Variants in PRPF18 observed in about 807,000 individuals in gnomAD.
PRPF18 encodes pre-mRNA-splicing factor 18.
A neutral mutation model predicts 46.5 loss-of-function variants in PRPF18; 38 were observed. The observed-to-expected ratio is 0.82, with a 90% confidence interval of 0.63 to 1.07. The LOEUF (loss-of-function observed/expected upper bound fraction) is 1.07, where lower values mean the gene tolerates loss of function less well. Ranked by LOEUF, PRPF18 falls within the 50% of genes least tolerant of loss-of-function variation. PRPF18 has a pLI of 0.00. For missense variants in PRPF18, 263 were observed against 410.0 expected (o/e 0.64, Z 3.10); for synonymous variants, 152 against 146.7 (o/e 1.04, Z -0.26).
chr10:13,613,940 G>A, intron 7 of PRPF18, 59 bp downstream of exon 7: 1 of 1,569,306 alleles, frequency 6.4e-7, no homozygotes, highest in Non-Finnish European at 8.6e-7. Context: ...TATAAATTTA[G>A]AATAAATGCA....
Position 13,610,121 on chromosome 10 carries a change from G to C in PRPF18, c.446G>C (p.Gly149Ala), listed in dbSNP as rs1309681134. Residue 149 changes from glycine (G) to alanine (A), a missense_variant, in exon 5 of 10, where the codon GGA becomes GCA. By Grantham distance (60) the Gly-to-Ala change is moderately conservative. Transcript: ENST00000378572. ...GAAATCGTCGGCGGTCAGGAGCCTG[G>C]AGAGGAAGACACACAGAATGATCTG... The part of the protein sequence containing the change: ...LNEIVGGQEP[G>A]EEDTQNDLKV... 1 of 1,614,058 alleles carries C rather than the reference G, an allele frequency of 6.2e-7. No individual in the cohort carries two copies.
the PRPF18 span, chr10:13,648,551 A>G: frequency 3.3e-5 from 5 of 152,264 alleles, no homozygotes; most frequent in East Asian, 9.7e-4. Flanking sequence ...CCCGATCAAA[A>G]TCCCTGGTTC....
intron 6 of PRPF18, 97 bp downstream of exon 6, chr10:13,611,780 G>A: frequency 2.0e-6 from 2 of 995,718 alleles, no homozygotes; most frequent in South Asian, 1.4e-5. Flanking sequence ...GAACGGGAAA[G>A]CCTCAATACA....
At chr10:13,589,933 G>A (rs1371341305) in intron 1 of PRPF18, among the ~76,000 whole-genome samples, 1 of 152,052 alleles carries the variant, frequency 6.6e-6, no homozygotes, top group Non-Finnish European at 1.5e-5. Flanking sequence ...GAGTGGTTGG[G>A]AGTATTTTAA....
the PRPF18 span, chr10:13,649,617 T>A: frequency 6.6e-6 from 1 of 152,230 alleles, no homozygotes; most frequent in African/African-American, 2.4e-5. Flanking sequence ...TCTTTCTTAG[T>A]GCTTCCACAT....
chr10:13,620,784 A>G lies in PRPF18; in HGVS notation c.948+4231A>G, dbSNP rs151298733. Among the ~76,000 whole-genome samples, 916 of 152,326 alleles carry G rather than the reference A, an allele frequency of 6.0e-3. 5 individuals carry two copies. Among genetic ancestry groups the G allele is most frequent in the African/African-American group, 0.02 (823 of 41,560 alleles). Reference sequence around the variant, plus strand: ...AAGGGGCAGTTTCACTGGAACATAGATTTCATCTTTTGGTTTTATGCAAAC... The same window carrying G: ...AAGGGGCAGTTTCACTGGAACATAGGTTTCATCTTTTGGTTTTATGCAAAC... On this transcript the variant is annotated intron_variant, in intron 9 of 9. Transcript: ENST00000378572.
chr10:13,588,171 C>T (rs2079904373), intron 1 of PRPF18, among the ~76,000 whole-genome samples: 3 of 152,160 alleles, frequency 2.0e-5, no homozygotes, highest in Non-Finnish European at 4.4e-5. Context: ...AATCCCCACA[C>T]TTTGGTGGGC....
downstream of PRPF18, chr10:13,631,200 C>T (rs1409738009): frequency 1.3e-5 from 2 of 152,344 alleles, no homozygotes; most frequent in Admixed American, 1.3e-4. Flanking sequence ...CTGTCCTGGC[C>T]TTGGTTTTCC....
At chr10:13,627,086 A>G (rs2080518882) in intron 9 of PRPF18, among the ~76,000 whole-genome samples, 1 of 152,132 alleles carries the variant, frequency 6.6e-6, no homozygotes, top group Non-Finnish European at 1.5e-5. Context: ...TCCAGTTCAC[A>G]TACAGTCAGA....
At chr10:13,625,798 G>T (rs2134009828) in intron 9 of PRPF18, among the ~76,000 whole-genome samples, 1 of 152,354 alleles carries the variant, frequency 6.6e-6, no homozygotes, top group South Asian at 2.1e-4. Context: ...GAAGGTAGAA[G>T]ACAGTAGAGC....
chr10:13,636,165 T>TA, the PRPF18 span, among the ~76,000 whole-genome samples: 1 of 152,230 alleles, frequency 6.6e-6, no homozygotes, highest in Non-Finnish European at 1.5e-5. Flanking sequence ...CTCACGCCTG[T>TA]AATGCCAGCA....
chr10:13,589,505 C>T (rs931394644), intron 1 of PRPF18, among the ~76,000 whole-genome samples: 1 of 152,174 alleles, frequency 6.6e-6, no homozygotes, highest in Non-Finnish European at 1.5e-5. Flanking sequence ...GAAACTGGCT[C>T]CCTCTGGCTG....
the PRPF18 span, among the ~76,000 whole-genome samples, chr10:13,649,953 C>T: frequency 2.6e-5 from 4 of 152,232 alleles, no homozygotes; most frequent in African/African-American, 9.6e-5. Flanking sequence ...CAACTGTGAC[C>T]CAGAAGAGCA....
intron 4 of PRPF18, 78 bp from the exon 5 acceptor site, chr10:13,609,961 T>C (rs1412596409): frequency 7.1e-7 from 1 of 1,411,494 alleles, no homozygotes; most frequent in African/African-American, 1.4e-5. Flanking sequence ...TTTGCAGTTA[T>C]TAATGAAAAA....
chr10:13,650,425 T>G, the PRPF18 span, among the ~76,000 whole-genome samples: 1 of 150,214 alleles, frequency 6.7e-6, no homozygotes, highest in Admixed American at 6.6e-5. Context: ...TGAACTCGTG[T>G]ATGTATTCGT....
At chr10:13,608,236 A>C (rs943088) in intron 4 of PRPF18, among the ~76,000 whole-genome samples, 123,412 of 152,208 alleles carry the variant, frequency 0.81, 50,155 homozygotes, top group East Asian at 0.91. Flanking sequence ...TGGGGTCTTT[A>C]TTGTGATTGC....
At chr10:13,591,548 G>C in intron 1 of PRPF18, 1 of 719,914 alleles carries the variant, frequency 1.4e-6, no homozygotes, top group African/African-American at 1.8e-5. Flanking sequence ...TTTGATTTTT[G>C]GTAAAATTTG....
At chr10:13,611,771 A>G in intron 6 of PRPF18, 88 bp downstream of exon 6, 1 of 1,162,108 alleles carries the variant, frequency 8.6e-7, no homozygotes, top group Non-Finnish European at 1.3e-6. Context: ...TAAAGGCTGG[A>G]ACGGGAAAGC....
chr10:13,607,005 A>G (rs1417986200), intron 4 of PRPF18, among the ~76,000 whole-genome samples: 1 of 152,212 alleles, frequency 6.6e-6, no homozygotes, highest in Non-Finnish European at 1.5e-5. Flanking sequence ...TGCGGCTTTA[A>G]TCACATTACC....
Sources: allele counts gnomAD v4.1 joint callset (sites outside exome capture counted in the v4.1 genomes callset), GRCh38; gene constraint gnomAD v4.1.1; transcripts MANE v1.5; gene names NCBI Gene and HGNC (gene_info 2026-07-23, HGNC 2026-07-21).